Variants in PPP3CB observed in about 807,000 individuals in gnomAD.
PPP3CB encodes protein phosphatase 3 catalytic subunit beta, also known as serine/threonine-protein phosphatase 2B catalytic subunit beta isoform.
PPP3CB carries 8 observed loss-of-function variants against 66.4 expected under a neutral mutation model. That is an observed-to-expected ratio of 0.12 (90% confidence interval 0.07 to 0.22). PPP3CB has a LOEUF of 0.22. Among genes scored for constraint, PPP3CB ranks in the 10% least tolerant of loss-of-function variants. The pLI, the probability that PPP3CB is intolerant of heterozygous loss-of-function variation, is 1.00. For missense variants in PPP3CB, 319 were observed against 642.5 expected (o/e 0.50, Z 5.44); for synonymous variants, 208 against 221.2 (o/e 0.94, Z 0.53).
At chr10:73,440,022 T>C in intron 12 of PPP3CB, 121 bp from the exon 13 acceptor site, 1 of 1,055,580 alleles carries the variant, frequency 9.5e-7, no homozygotes, top group Admixed American at 2.2e-5. Context: ...CATCATCATT[T>C]AAAATTTAAC....
chr10:73,463,828 G>T (rs534654659), intron 9 of PPP3CB, among the ~76,000 whole-genome samples: 1 of 152,034 alleles, frequency 6.6e-6, no homozygotes, highest in East Asian at 1.9e-4. Context: ...GTAGAGACAG[G>T]GTTTCACTGC....
intron 12 of PPP3CB, 76 bp from the exon 13 acceptor site, chr10:73,439,977 A>G: frequency 7.1e-7 from 1 of 1,407,464 alleles, no homozygotes. Flanking sequence ...CAGAAAAGGC[A>G]ATGATCACTT....
chr10:73,461,917 G>A (rs112184787), intron 9 of PPP3CB, among the ~76,000 whole-genome samples: 2 of 152,090 alleles, frequency 1.3e-5, no homozygotes, highest in African/African-American at 2.4e-5. Context: ...CATCCCTTTG[G>A]TGCTGTCCTC....
chr10:73,483,326 C>T (rs2056914324), intron 1 of PPP3CB, among the ~76,000 whole-genome samples: 2 of 152,116 alleles, frequency 1.3e-5, no homozygotes, highest in Non-Finnish European at 2.9e-5. Context: ...ATCAATGTTA[C>T]CATAACACTG....
chr10:73,445,809 C>T (rs1045462246), intron 11 of PPP3CB, among the ~76,000 whole-genome samples: 48 of 147,552 alleles, frequency 3.3e-4, no homozygotes, highest in African/African-American at 1.2e-3. Flanking sequence ...AGTGCAGTGG[C>T]GTCATCTCAG....
At chr10:73,460,930 AC>A (rs1258650067) in intron 9 of PPP3CB, among the ~76,000 whole-genome samples, 1 of 152,246 alleles carries the variant, frequency 6.6e-6, no homozygotes, top group Admixed American at 6.5e-5. Flanking sequence ...GAGAGACACT[AC>A]TAGGGCAGTG....
In PPP3CB at chr10:73,479,374, C is replaced by T; in HGVS notation, c.229G>A (p.Gly77Ser). The T allele has an allele frequency of 6.2e-7, 1 of 1,614,046 alleles. No homozygotes were observed. Among genetic ancestry groups the T allele is most frequent in the Non-Finnish European group, 8.5e-7 (1 of 1,179,994 alleles). ...TTCTCTCTCCGAAGGATGGCAGCACCCTCATTGATAATTCTAAGCGCAATT... is the reference window on the plus strand; with the variant it reads ...TTCTCTCTCCGAAGGATGGCAGCACTCTCATTGATAATTCTAAGCGCAATT... ...EEIALRIINE[G>S]AAILRREKTM... Residue 77 changes from glycine to serine, a missense_variant, in exon 2 of 14, where the codon GGT becomes AGT. Gly to Ser is a moderately conservative substitution (Grantham distance 56, BLOSUM62 0). This residue lies in a region of PPP3CB where 104 missense variants were observed against 128.4 expected (regional missense o/e 0.81). Transcript: ENST00000360663.
chr10:73,490,707 G>A (rs990038229), intron 1 of PPP3CB, among the ~76,000 whole-genome samples: 5 of 152,118 alleles, frequency 3.3e-5, no homozygotes, highest in Middle Eastern at 3.4e-3. Flanking sequence ...TCCTTTTAAG[G>A]TAACTTGTTA....
intron 9 of PPP3CB, among the ~76,000 whole-genome samples, chr10:73,464,848 T>C (rs2056593003): frequency 6.6e-6 from 1 of 151,948 alleles, no homozygotes; most frequent in Non-Finnish European, 1.5e-5. Flanking sequence ...TGAGAATCAC[T>C]TAAACCCGGG....
chr10:73,472,154 G>T (rs1019617249), intron 4 of PPP3CB, among the ~76,000 whole-genome samples: 20 of 151,940 alleles, frequency 1.3e-4, no homozygotes, highest in Admixed American at 2.0e-4. Context: ...AAATTATTTT[G>T]GATGACAGAA....
intron 12 of PPP3CB, among the ~76,000 whole-genome samples, chr10:73,441,354 C>CA (rs1821167704): frequency 6.6e-6 from 1 of 152,108 alleles, no homozygotes; most frequent in African/African-American, 2.4e-5. Flanking sequence ...ATAACCCCAG[C>CA]ACTCTCGGAT....
intron 1 of PPP3CB, among the ~76,000 whole-genome samples, chr10:73,480,310 T>C (rs578136847): frequency 2.6e-5 from 4 of 152,314 alleles, no homozygotes; most frequent in Non-Finnish European, 4.4e-5. Context: ...TTCCTTATCA[T>C]TGAAGTCACT....
In PPP3CB at chr10:73,471,510, A is replaced by G; in HGVS notation, c.627T>C (p.Gly209=). The change falls in exon 5 of 14, where the codon GGT becomes GGC. Residue 209 remains glycine (G), a synonymous_variant. Transcript: ENST00000360663. ...LLNQQFLCVH[G]GLSPEIHTLD... ...GTGTGTGTATTTCTGGTGAAAGTCC[A>G]CCATGAACACAAAGAAACTGTTGGT... 6.2e-7 allele frequency: 1 copy of G among 1,612,476 alleles called. No individual in the cohort carries two copies. The highest frequency in any genetic ancestry group is 8.5e-7 in the Non-Finnish European group (1 of 1,179,186).
intron 9 of PPP3CB, among the ~76,000 whole-genome samples, chr10:73,458,795 C>T (rs866043022): frequency 5.9e-5 from 9 of 151,674 alleles, no homozygotes; most frequent in African/African-American, 9.7e-5. Flanking sequence ...TAAGGCCGGG[C>T]GCAGTGGCTC....
In PPP3CB at chr10:73,448,571, A is replaced by G. The variant is rs1456555887; in HGVS notation, c.1187-1998T>C. The G allele has an allele frequency of 7.6e-6, 4 of 527,072 alleles. No individual in the cohort carries two copies. The East Asian group carries it at 2.2e-4, about 29-fold the overall frequency. 32.6% of individuals were successfully genotyped at this position (527,072 alleles called of 1,614,324 possible). A position where few individuals can be genotyped will look rare whatever the true frequency, so the allele number is the denominator to read the frequency against. On this transcript the variant is annotated intron_variant, in intron 10 of 13. Coordinates refer to ENST00000360663, the MANE Select transcript of PPP3CB (RefSeq NM_021132.4). ...CACAAGGCCCAAGAGGACTCTGCAT[A>G]GACATTACTCAATGAATGTGCTAAC...
At chr10:73,464,450 A>C (rs2132890612) in intron 9 of PPP3CB, among the ~76,000 whole-genome samples, 1 of 152,296 alleles carries the variant, frequency 6.6e-6, no homozygotes, top group East Asian at 1.9e-4. Flanking sequence ...CTTCTATGGA[A>C]GATCATATAA....
chr10:73,494,195 C>G (rs2057129097), intron 1 of PPP3CB, among the ~76,000 whole-genome samples: 1 of 152,108 alleles, frequency 6.6e-6, no homozygotes, highest in Non-Finnish European at 1.5e-5. Context: ...ATTAAGGATT[C>G]CATAAACTCG....
chr10:73,470,687 C>A lies in PPP3CB; in HGVS notation c.982G>T (p.Ala328Ser). The change falls in exon 8 of 14, where the codon GCT (alanine) becomes TCT (serine). Residue 328 changes from alanine (A) to serine (S), a missense_variant and splice_region_variant. Ala to Ser is a moderately conservative substitution (Grantham distance 99). Around this residue, in one of 5 missense-constraint regions of PPP3CB, gnomAD observed 120 missense variants for 331.2 expected, o/e 0.36. Coordinates refer to ENST00000360663, the MANE Select transcript of PPP3CB (RefSeq NM_021132.4). Reference protein sequence around the residue: ...PNYLDVYNNKAAVLKYENNVM... With the variant: ...PNYLDVYNNKSAVLKYENNVM... ...ATTTTTTTTATCAACAATATCTTAC[C>A]TTTATTATTGTAGACATCTAAGTAA... 1 of 1,513,256 alleles carries A rather than the reference C, an allele frequency of 6.6e-7. No individual in the cohort carries two copies. The highest frequency in any genetic ancestry group is 1.2e-5 in the South Asian group (1 of 80,074). 93.7% of individuals were successfully genotyped at this position (1,513,256 alleles called of 1,614,324 possible).
chr10:73,481,346 C>T (rs912478155), intron 1 of PPP3CB, among the ~76,000 whole-genome samples: 2 of 151,214 alleles, frequency 1.3e-5, no homozygotes, highest in African/African-American at 4.9e-5. Context: ...GTGGTGCACA[C>T]CTGTAGTCCC....
Sources: gnomAD v4.1 joint callset for allele counts (sites outside exome capture counted in the v4.1 genomes callset) on GRCh38, gnomAD v4.1.1 for gene constraint, gnomAD v4.1.1 regional missense constraint, MANE v1.5 for transcripts, NCBI Gene and HGNC (gene_info 2026-07-23, HGNC 2026-07-21) for gene names.